The following GABBR2 variants were observed in gnomAD, a reference collection of about 807,000 sequenced individuals.
GABBR2 encodes gamma-aminobutyric acid type B receptor subunit 2, also known as G-protein coupled receptor 51.
GABBR2 carries 23 observed loss-of-function variants against 105.6 expected under a neutral mutation model. The ratio of observed to expected loss-of-function variants is 0.22; its 90% confidence interval spans 0.16 to 0.31. The LOEUF (loss-of-function observed/expected upper bound fraction) is 0.31. GABBR2 is among the 10% of genes least tolerant of loss of function. GABBR2 has a pLI of 1.00. For missense variants in GABBR2, 734 were observed against 1,245.5 expected (o/e 0.59, Z 6.18); for synonymous variants, 478 against 499.7 (o/e 0.96, Z 0.58).
At chr9:98,586,979 T>C (rs1329143782) in intron 1 of GABBR2, among the ~76,000 whole-genome samples, 1 of 152,226 alleles carries the variant, frequency 6.6e-6, no homozygotes, top group Non-Finnish European at 1.5e-5. Flanking sequence ...GGAAATTGAA[T>C]TGTTGAATCA....
At position 98,388,724 on chromosome 9, in the gene GABBR2, A is replaced by C. The variant is rs575356312; in HGVS notation, c.1529+130T>G. 6 of 673,110 alleles carry C rather than the reference A, an allele frequency of 8.9e-6. No individual in the cohort carries two copies. In the East Asian group the frequency reaches 1.3e-4, roughly 15 times the overall value. The allele number at this position is 673,110 out of a possible 1,614,324, so 41.7% of individuals were successfully genotyped here. A position where few individuals can be genotyped will look rare whatever the true frequency, so the allele number is the denominator to read the frequency against. On this transcript the variant is annotated intron_variant, in intron 10 of 18. Coordinates refer to ENST00000259455, the MANE Select transcript of GABBR2 (RefSeq NM_005458.8). The surrounding 1 kb of genome is among the most constrained non-coding windows in gnomAD (Gnocchi z 4.4). ...CCTACAACATCCTAGCAACGGAGGA[A>C]CACTTTGGGAAACTCTGCCCTGCAG...
intron 1 of GABBR2, among the ~76,000 whole-genome samples, chr9:98,579,486 G>A (rs1438360447): frequency 6.6e-6 from 1 of 152,132 alleles, no homozygotes; most frequent in Non-Finnish European, 1.5e-5. Context: ...ACCTCCCCAT[G>A]GGCAAGTTCA....
intron 11 of GABBR2, among the ~76,000 whole-genome samples, chr9:98,384,484 G>T (rs1832036483): frequency 6.6e-6 from 1 of 152,100 alleles, no homozygotes; most frequent in Non-Finnish European, 1.5e-5. Context: ...CAGCTACTCA[G>T]GAGGCTGAGG....
intron 13 of GABBR2, among the ~76,000 whole-genome samples, chr9:98,328,734 C>T (rs1830969946): frequency 6.6e-6 from 1 of 152,184 alleles, no homozygotes; most frequent in Non-Finnish European, 1.5e-5. Context: ...TTACTGCAGA[C>T]ATACCAATGA....
chr9:98,464,877 G>A (rs1187051811), intron 6 of GABBR2, among the ~76,000 whole-genome samples: 1 of 151,880 alleles, frequency 6.6e-6, no homozygotes, highest in African/African-American at 2.4e-5. Context: ...ATGGATTAAG[G>A]GCGGTGCAAG....
At chr9:98,575,914 G>C (rs964476643) in intron 2 of GABBR2, among the ~76,000 whole-genome samples, 1 of 152,158 alleles carries the variant, frequency 6.6e-6, no homozygotes, top group Non-Finnish European at 1.5e-5. Context: ...TGCACGCCCA[G>C]TTTCCTCTGC....
chr9:98,415,645 T>C (rs749368179), intron 7 of GABBR2, among the ~76,000 whole-genome samples: 1 of 152,138 alleles, frequency 6.6e-6, no homozygotes, highest in African/African-American at 2.4e-5. Context: ...TTATTTAAGA[T>C]TTTTTTCCCC....
At chr9:98,353,578 A>C (rs1366033569) in intron 13 of GABBR2, among the ~76,000 whole-genome samples, 1 of 152,244 alleles carries the variant, frequency 6.6e-6, no homozygotes, top group Non-Finnish European at 1.5e-5. Context: ...TTTCTTAAAT[A>C]ATAAGACTTG....
intron 3 of GABBR2, among the ~76,000 whole-genome samples, chr9:98,502,896 A>T (rs964117340): frequency 6.6e-6 from 1 of 152,236 alleles, no homozygotes; most frequent in Non-Finnish European, 1.5e-5. Context: ...TGTCCCTACC[A>T]GTCCCACTAC....
intron 3 of GABBR2, among the ~76,000 whole-genome samples, chr9:98,505,636 T>C (rs997890919): frequency 6.6e-6 from 1 of 152,182 alleles, no homozygotes; most frequent in Non-Finnish European, 1.5e-5. Context: ...TCATCCTGGA[T>C]AAATCCAATG....
chr9:98,652,973 T>C (rs955419547), intron 1 of GABBR2, among the ~76,000 whole-genome samples: 1 of 152,214 alleles, frequency 6.6e-6, no homozygotes, highest in African/African-American at 2.4e-5. Flanking sequence ...GCCATGTGTT[T>C]TGGCTACACT....
At chr9:98,472,736 C>A (rs770337566) in intron 6 of GABBR2, among the ~76,000 whole-genome samples, 1 of 152,144 alleles carries the variant, frequency 6.6e-6, no homozygotes. Context: ...AGCTCTACAG[C>A]ATGTGTTTCC....
At chr9:98,488,361 T>C (rs1385909096) in intron 4 of GABBR2, among the ~76,000 whole-genome samples, 3 of 152,194 alleles carry the variant, frequency 2.0e-5, no homozygotes, top group Non-Finnish European at 4.4e-5. Flanking sequence ...GAGTAGCTTT[T>C]CTGGTCAAAG....
intron 13 of GABBR2, among the ~76,000 whole-genome samples, chr9:98,346,450 C>T (rs1831305366): frequency 6.6e-6 from 1 of 152,128 alleles, no homozygotes. Flanking sequence ...TTTTAGTTGA[C>T]ATGTAATAAT....
chr9:98,699,338 A>G (rs745944278), intron 1 of GABBR2, among the ~76,000 whole-genome samples: 9 of 152,090 alleles, frequency 5.9e-5, no homozygotes, highest in Non-Finnish European at 1.2e-4. Context: ...TGGAACACCC[A>G]AGCACCCTTT....
At chr9:98,706,441 A>AT (rs1193090498) in intron 1 of GABBR2, among the ~76,000 whole-genome samples, 1 of 152,200 alleles carries the variant, frequency 6.6e-6, no homozygotes, top group African/African-American at 2.4e-5. Context: ...CGAAGCTAAA[A>AT]TTATCTTCTG....
At chr9:98,683,032 C>T (rs1304457860) in intron 1 of GABBR2, among the ~76,000 whole-genome samples, 1 of 152,196 alleles carries the variant, frequency 6.6e-6, no homozygotes, top group Non-Finnish European at 1.5e-5. Flanking sequence ...CAGGGGGCTT[C>T]ATCCCCTCTA....
At chr9:98,639,883 T>G (rs1467490938) in intron 1 of GABBR2, among the ~76,000 whole-genome samples, 1 of 152,058 alleles carries the variant, frequency 6.6e-6, no homozygotes, top group Non-Finnish European at 1.5e-5. Context: ...AACAAGGCAT[T>G]TCCCACCATT....
At chr9:98,493,566 A>G (rs754264735) in intron 4 of GABBR2, among the ~76,000 whole-genome samples, 3 of 152,104 alleles carry the variant, frequency 2.0e-5, no homozygotes, top group Non-Finnish European at 4.4e-5. Flanking sequence ...ACTGATTTTT[A>G]TATTTCTCGG....
Sources: allele counts gnomAD v4.1 joint callset (sites outside exome capture counted in the v4.1 genomes callset), GRCh38; gene constraint gnomAD v4.1.1; non-coding constraint Gnocchi (gnomAD v3.1); transcripts MANE v1.5; gene names NCBI Gene and HGNC (gene_info 2026-07-23, HGNC 2026-07-21).